The following RBM5 variants were observed in gnomAD, a reference collection of about 807,000 sequenced individuals.
RBM5 encodes RNA-binding protein 5.
Under a neutral mutation model 124.6 loss-of-function variants are expected in RBM5, and 15 were observed. That is an observed-to-expected ratio of 0.12 (90% CI 0.08 to 0.19). The LOEUF (loss-of-function observed/expected upper bound fraction) is 0.19, where lower values mean the gene tolerates loss of function less well. Among genes scored for constraint, RBM5 ranks in the 10% least tolerant of loss-of-function variants. The pLI, the probability that RBM5 is intolerant of heterozygous loss-of-function variation, is 1.00. For synonymous variants in RBM5, 337 were observed against 361.2 expected, an observed-to-expected ratio of 0.93 and a Z score of 0.76; for missense variants, 580 against 1,026.5, an observed-to-expected ratio of 0.57 and a Z score of 5.94.
At position 50,105,468 on chromosome 3, in the gene RBM5, G is replaced by T. The variant is rs2091011256; in HGVS notation, c.695-81G>T. The T allele has an allele frequency of 3.6e-6, 5 of 1,395,632 alleles. No individual in the cohort carries two copies. The East Asian group carries it at 1.2e-4, about 32-fold the overall frequency. The allele number at this position is 1,395,632 out of a possible 1,614,324, so 86.5% of individuals were successfully genotyped here. ...AGGAATGTCACAAATGGATTTGTAT[G>T]TACTTGACCCTATCTTGGAAAACTT... On this transcript the variant is annotated intron_variant, in intron 9 of 24. Transcript: ENST00000347869.
chr3:50,117,663 C>A lies in RBM5; in HGVS notation c.2322+284C>A. 1 of 269,122 alleles carries A rather than the reference C, an allele frequency of 3.7e-6. No individual in the cohort carries two copies. The highest frequency in any genetic ancestry group is 6.2e-5 in the South Asian group (1 of 16,188). The allele number at this position is 269,122 out of a possible 1,614,324, so 16.7% of individuals were successfully genotyped here. A position where few individuals can be genotyped will look rare whatever the true frequency, so the allele number is the denominator to read the frequency against. ...GGACGTGGCAGCGTGTGCCTGTAAT[C>A]CCAGCTAGTCAGGAAGCTGAGGCAG... is the stretch of plus-strand genomic sequence containing the variant. On this transcript the variant is annotated intron_variant, in intron 24 of 24. Transcript: ENST00000347869. The surrounding 1 kb of genome is among the most constrained non-coding windows in gnomAD (Gnocchi z 4.2).
intron 2 of RBM5, among the ~76,000 whole-genome samples, chr3:50,091,385 G>A (rs1338401230): frequency 6.6e-6 from 1 of 152,142 alleles, no homozygotes; most frequent in African/African-American, 2.4e-5. Context: ...TATTTTATCT[G>A]TGGTCAAATA....
At chr3:50,115,269 C>T (rs1232260483) in intron 20 of RBM5, 159 bp from the exon 21 acceptor site, 3 of 830,666 alleles carry the variant, frequency 3.6e-6, no homozygotes, top group South Asian at 1.9e-5. Context: ...GACCTGACTG[C>T]TCCACGCAGT....
At chr3:50,106,737 C>G (rs1328985271) in intron 10 of RBM5, 30 bp from the exon 11 acceptor site, 2 of 1,472,970 alleles carry the variant, frequency 1.4e-6, no homozygotes, top group Admixed American at 3.4e-5. Context: ...AATTGCATTA[C>G]ACGTTTTTTT....
chr3:50,106,879 T>C lies in RBM5; in HGVS notation c.953+15T>C, dbSNP rs898142081. The C allele has an allele frequency of 6.4e-7, 1 of 1,557,820 alleles. No homozygotes were observed. Among genetic ancestry groups the C allele is most frequent in the Non-Finnish European group, 8.9e-7 (1 of 1,128,820 alleles). ...AGTGCCAGAAAGTGAGTGGCTTCAT[T>C]GTCCTTATTTCAAACTACTGCATAT... On this transcript the variant is annotated intron_variant, in intron 11 of 24. Coordinates refer to ENST00000347869, the MANE Select transcript of RBM5 (RefSeq NM_005778.4).
intron 3 of RBM5, among the ~76,000 whole-genome samples, chr3:50,092,561 CAAA>C (rs1156471002): frequency 1.5e-4 from 10 of 66,424 alleles, no homozygotes; most frequent in Non-Finnish European, 1.6e-4. Flanking sequence ...GACTCCATCT[CAAA>C]AAAAAAAAAA....
rs758823548 is a variant in RBM5 at position 50,115,604 on chromosome 3, C to T, written c.2016C>T (p.His672=). ...GGCACCAGCAACTCTCAGACCTTCA[C>T]AAGGTGGCCATGCTTCTGAGCTGAT... ...LVRHQQLSDL[H]KQNMDIYRRS... The change falls in exon 21 of 25, where the codon CAC becomes CAT. Residue 672 remains histidine, a synonymous_variant. Coordinates refer to ENST00000347869, the MANE Select transcript of RBM5 (RefSeq NM_005778.4). 3.7e-6 allele frequency: 6 copies of T among 1,607,516 alleles called. No homozygotes were observed. In the Admixed American group the frequency reaches 1.0e-4, roughly 28 times the overall value.
chr3:50,109,406 T>G (rs1226908836), intron 14 of RBM5, among the ~76,000 whole-genome samples, 197 bp from the exon 15 acceptor site: 1 of 152,188 alleles, frequency 6.6e-6, no homozygotes, highest in Non-Finnish European at 1.5e-5. Flanking sequence ...TACAGAATCC[T>G]TAACTTTGTA....
chr3:50,095,808 C>T (rs2090801846), intron 4 of RBM5, among the ~76,000 whole-genome samples: 1 of 152,012 alleles, frequency 6.6e-6, no homozygotes, highest in Non-Finnish European at 1.5e-5. Context: ...GTGTCCCCAA[C>T]CCTTGAACAC....
chr3:50,118,098 G>A, intron 24 of RBM5: 2 of 565,440 alleles, frequency 3.5e-6, no homozygotes, highest in Admixed American at 3.1e-5. Context: ...TGCTTGCTGA[G>A]CAGGCATTGA....
chr3:50,101,224 TCTTCGAGGTAGTGTTAA>T (rs2090933473), intron 6 of RBM5: 2 of 152,240 alleles, frequency 1.3e-5, no homozygotes. Flanking sequence ...CATTGATGGT[TCTTCGAGGTAGTGTTAA>T]CTGAAGTGTT....
At chr3:50,109,752 G>A (rs562455489) in intron 15 of RBM5, 64 bp downstream of exon 15, 3 of 1,317,804 alleles carry the variant, frequency 2.3e-6, no homozygotes, top group African/African-American at 1.5e-5. Context: ...TGCTATACAA[G>A]TATTACCCTT....
chr3:50,097,992 C>T (rs971790211), intron 4 of RBM5, among the ~76,000 whole-genome samples: 3 of 152,014 alleles, frequency 2.0e-5, no homozygotes, highest in African/African-American at 7.3e-5. Flanking sequence ...CCCAGCTACT[C>T]TTGAGGCTGA....
Position 50,117,549 on chromosome 3 carries a change from G to A in RBM5, c.2322+170G>A, listed in dbSNP as rs1420731502. 2 of 936,338 alleles carry A rather than the reference G, an allele frequency of 2.1e-6. No homozygotes were observed. The highest frequency in any genetic ancestry group is 3.1e-6 in the Non-Finnish European group (2 of 647,914). 58.0% of individuals were successfully genotyped at this position (936,338 alleles called of 1,614,324 possible). A position where few individuals can be genotyped will look rare whatever the true frequency, so the allele number is the denominator to read the frequency against. On this transcript the variant is annotated intron_variant, in intron 24 of 24. Coordinates refer to ENST00000347869, the MANE Select transcript of RBM5 (RefSeq NM_005778.4). This position sits in a 1 kb window ranked among gnomAD's most constrained non-coding sequence, Gnocchi z 4.2. ...TAATCCCAGCACTTTGGGAGGCCGA[G>A]GAGGGTGGATTGCCTGAGCCCAGAA...
At chr3:50,099,307 A>G (rs539297666) in intron 4 of RBM5, among the ~76,000 whole-genome samples, 1 of 152,126 alleles carries the variant, frequency 6.6e-6, no homozygotes, top group East Asian at 1.9e-4. Flanking sequence ...CCCATGCAAC[A>G]TTTAATGAAT....
chr3:50,114,436 A>G, intron 20 of RBM5, 185 bp downstream of exon 20: 2 of 563,944 alleles, frequency 3.5e-6, no homozygotes, highest in Non-Finnish European at 3.0e-6. Flanking sequence ...AGAGCAGATG[A>G]GATGGAGTGA....
At position 50,110,672 on chromosome 3, in the gene RBM5, T is replaced by C; in HGVS notation, c.1364-7T>C. On this transcript the variant is annotated splice_region_variant and splice_polypyrimidine_tract_variant and intron_variant, in intron 16 of 24. Transcript: ENST00000347869. ...GAATGACTGTATGCTGGATTTTGTTTTTGCAGCAGTACCTGACACGTCCAC... is the reference window on the plus strand; with the variant it reads ...GAATGACTGTATGCTGGATTTTGTTCTTGCAGCAGTACCTGACACGTCCAC... 1 of 1,608,164 alleles carries C rather than the reference T, an allele frequency of 6.2e-7. No individual in the cohort carries two copies. Among genetic ancestry groups the C allele is most frequent in the Non-Finnish European group, 8.5e-7 (1 of 1,176,470 alleles).
rs1360527914 is a variant in RBM5, at chr3:50,117,215, G to A, written c.2193-35G>A. Reference sequence around the variant, plus strand: ...TTCCAGTTCGTAAGCTGGGGCCCTGGCTGTTTTAAGTAACTGTGTGTTTGC... The same window carrying A: ...TTCCAGTTCGTAAGCTGGGGCCCTGACTGTTTTAAGTAACTGTGTGTTTGC... On this transcript the variant is annotated intron_variant, in intron 23 of 24. Coordinates refer to ENST00000347869, the MANE Select transcript of RBM5 (RefSeq NM_005778.4). This position sits in a 1 kb window ranked among gnomAD's most constrained non-coding sequence, Gnocchi z 4.2. The A allele has an allele frequency of 4.3e-6, 7 of 1,614,070 alleles. No homozygotes were observed.
rs765156684 is a variant in RBM5 at position 50,093,752 on chromosome 3, C to T, written c.216C>T (p.Ser72=). Residue 72 remains serine (S), a synonymous_variant, in exon 4 of 25, where the codon TCC becomes TCT. Coordinates refer to ENST00000347869, the MANE Select transcript of RBM5 (RefSeq NM_005778.4). ...RERERRNSDR[S]EDGYHSDGDY... ...GTGAAAGAAGGAACAGTGACCGATC[C>T]GAAGATGGCTACCATTCAGATGGTG... is the stretch of plus-strand genomic sequence containing the variant. 35 of 1,613,544 alleles carry T rather than the reference C, an allele frequency of 2.2e-5. No homozygotes were observed. The highest frequency in any genetic ancestry group is 2.9e-5 in the Non-Finnish European group (34 of 1,179,738).
Sources: gnomAD v4.1 joint callset for allele counts (sites outside exome capture counted in the v4.1 genomes callset) on GRCh38, gnomAD v4.1.1 for gene constraint, Gnocchi (gnomAD v3.1) non-coding constraint, MANE v1.5 for transcripts, NCBI Gene and HGNC (gene_info 2026-07-23, HGNC 2026-07-21) for gene names.